The following SPAG17 variants were observed in gnomAD, a reference collection of about 807,000 sequenced individuals.
SPAG17 encodes sperm-associated antigen 17.
In SPAG17, 169 loss-of-function variants were observed where a neutral mutation model predicts 273.6. The ratio of observed to expected loss-of-function variants is 0.62; its 90% CI spans 0.55 to 0.70. The LOEUF is 0.70. Ranked by LOEUF, SPAG17 falls within the 30% of genes least tolerant of loss-of-function variation. The pLI is 0.00. For synonymous variants in SPAG17, 825 were observed against 873.2 expected (o/e 0.94, Z 0.97); for missense variants, 2,557 against 2,627.8 (o/e 0.97, Z 0.59).
At chr1:118,070,049 A>G (rs1356257097) in intron 17 of SPAG17, among the ~76,000 whole-genome samples, 1 of 152,248 alleles carries the variant, frequency 6.6e-6, no homozygotes, top group Non-Finnish European at 1.5e-5. Flanking sequence ...TTTCAGTTAC[A>G]GAGAAAAGAT....
chr1:117,969,190 T>G (rs920136244), intron 46 of SPAG17, among the ~76,000 whole-genome samples: 23 of 152,206 alleles, frequency 1.5e-4, no homozygotes, highest in African/African-American at 4.6e-4. Context: ...CATGCCATTT[T>G]GGAGGATGTA....
At chr1:118,161,770 C>A (rs1659935328) in intron 1 of SPAG17, among the ~76,000 whole-genome samples, 1 of 152,152 alleles carries the variant, frequency 6.6e-6, no homozygotes, top group Non-Finnish European at 1.5e-5. Context: ...CTCCTGACCT[C>A]ATGATCTGCC....
At chr1:118,045,498 G>C (rs1262283903) in intron 20 of SPAG17, among the ~76,000 whole-genome samples, 1 of 152,192 alleles carries the variant, frequency 6.6e-6, no homozygotes, top group Non-Finnish European at 1.5e-5. Context: ...TTGTGCTTGG[G>C]ACTCTTCTGG....
chr1:118,145,409 T>C lies in SPAG17; in HGVS notation c.315+5134A>G, dbSNP rs922915451. On this transcript the variant is annotated intron_variant, in intron 3 of 48. Transcript: ENST00000336338. ...GGAAAAGACCTGAGAAAAATTTCTA[T>C]ACATCCAGGAAACAGAAGTCAAAAA... Among the ~76,000 whole-genome samples the C allele has an allele frequency of 3.3e-5, 5 of 152,160 alleles. No homozygotes were observed. The East Asian group carries it at 9.6e-4, about 29-fold the overall frequency.
rs547173660 is a variant in SPAG17, at chr1:118,101,824, C to G, written c.550G>C (p.Asp184His). ...SAKPAKGKGK[D>H]QPEANAPVKK... ...ACTGGTGCATTTGCCTCAGGCTGAT[C>G]CTTTCCCTTTCCTTTGGCAGGCTTG... The change falls in exon 5 of 49, where the codon GAT becomes CAT. Residue 184 changes from aspartate to histidine, a missense_variant. Physicochemically the swap from Asp to His is moderately conservative, Grantham distance 81. Coordinates refer to ENST00000336338, the MANE Select transcript of SPAG17 (RefSeq NM_206996.4). 41 of 1,613,918 alleles carry G rather than the reference C, an allele frequency of 2.5e-5. No homozygotes were observed. Among genetic ancestry groups the G allele is most frequent in the Non-Finnish European group, 3.2e-5 (38 of 1,179,956 alleles).
chr1:118,153,084 G>T (rs1397977562), intron 1 of SPAG17, among the ~76,000 whole-genome samples: 1 of 152,162 alleles, frequency 6.6e-6, no homozygotes, highest in Non-Finnish European at 1.5e-5. Context: ...CTGTCTTTCT[G>T]CTCTTTGGGG....
intron 4 of SPAG17, among the ~76,000 whole-genome samples, chr1:118,102,129 G>C (rs1172232057): frequency 1.3e-5 from 2 of 152,218 alleles, no homozygotes; most frequent in Non-Finnish European, 2.9e-5. Context: ...GAGGACTGGA[G>C]GAGTGGGTGC....
chr1:118,051,858 A>G (rs1289634830), intron 20 of SPAG17, among the ~76,000 whole-genome samples: 2 of 135,628 alleles, frequency 1.5e-5, no homozygotes, highest in Admixed American at 7.6e-5. Flanking sequence ...TATAATATAT[A>G]ATATGTACTA....
At chr1:118,089,643 AGAC>A (rs1655239701) in intron 10 of SPAG17, among the ~76,000 whole-genome samples, 1 of 152,196 alleles carries the variant, frequency 6.6e-6, no homozygotes, top group Non-Finnish European at 1.5e-5. Context: ...ATTAAAAGGA[AGAC>A]GACAATGCAG....
chr1:118,145,345 C>A (rs1307734234), intron 3 of SPAG17, among the ~76,000 whole-genome samples: 2 of 152,128 alleles, frequency 1.3e-5, no homozygotes, highest in Non-Finnish European at 2.9e-5. Flanking sequence ...TATAATTAAG[C>A]CTGTGTTCTC....
At chr1:117,987,776 C>G in intron 40 of SPAG17, 58 bp downstream of exon 40, 1 of 1,575,534 alleles carries the variant, frequency 6.3e-7, no homozygotes. Context: ...CTATCCCATT[C>G]TCAGTCTATT....
chr1:118,046,489 A>G (rs1178464857), intron 20 of SPAG17, among the ~76,000 whole-genome samples: 1 of 152,116 alleles, frequency 6.6e-6, no homozygotes, highest in Non-Finnish European at 1.5e-5. Context: ...AGAAAAAAAT[A>G]TTTCATTAAG....
chr1:118,010,108 C>A (rs1047804639), intron 30 of SPAG17, among the ~76,000 whole-genome samples: 13 of 151,654 alleles, frequency 8.6e-5, no homozygotes, highest in African/African-American at 3.1e-4. Context: ...AGATGTTGGT[C>A]AAAGGATATA....
chr1:118,033,134 T>C (rs6428727), intron 24 of SPAG17, among the ~76,000 whole-genome samples: 87,097 of 151,852 alleles, frequency 0.57, 25,611 homozygotes, highest in African/African-American at 0.7. Flanking sequence ...TCATTCACCA[T>C]TGGGGCTCCA....
intron 30 of SPAG17, 80 bp from the exon 31 acceptor site, chr1:118,008,278 T>G: frequency 6.6e-7 from 1 of 1,510,818 alleles, no homozygotes. Flanking sequence ...ATTTTGCTGC[T>G]GTTTCCTGGC....
chr1:118,054,237 T>C, intron 19 of SPAG17, 144 bp from the exon 20 acceptor site: 1 of 597,548 alleles, frequency 1.7e-6, no homozygotes, highest in South Asian at 2.2e-5. Flanking sequence ...TTGCCATCTC[T>C]AGAATGAACA....
intron 1 of SPAG17, among the ~76,000 whole-genome samples, chr1:118,167,612 G>A (rs1294078082): frequency 6.6e-6 from 1 of 152,064 alleles, no homozygotes; most frequent in South Asian, 2.1e-4. Flanking sequence ...TAAAATAAAA[G>A]TAAAACTAAA....
At chr1:118,131,687 A>G (rs1658060772) in intron 3 of SPAG17, among the ~76,000 whole-genome samples, 1 of 152,168 alleles carries the variant, frequency 6.6e-6, no homozygotes, top group Admixed American at 6.5e-5. Context: ...ACCACTACCT[A>G]GAGCTTTTCC....
chr1:118,164,946 G>C (rs527579761), intron 1 of SPAG17, among the ~76,000 whole-genome samples: 1 of 152,268 alleles, frequency 6.6e-6, no homozygotes, highest in South Asian at 2.1e-4. Flanking sequence ...AACACGTCCT[G>C]TGTTTTCCCA....
Sources: allele counts gnomAD v4.1 joint callset (sites outside exome capture counted in the v4.1 genomes callset), GRCh38; gene constraint gnomAD v4.1.1; transcripts MANE v1.5; gene names NCBI Gene and HGNC (gene_info 2026-07-23, HGNC 2026-07-21).